The following SLCO1A2 variants were observed in gnomAD, a reference collection of about 807,000 sequenced individuals.
SLCO1A2 encodes the protein OATP-1.
SLCO1A2 carries 67 observed loss-of-function variants against 69.0 expected under a neutral mutation model. That is an observed-to-expected ratio of 0.97 (90% CI 0.80 to 1.19). The LOEUF (loss-of-function observed/expected upper bound fraction) is 1.19. Ranked by LOEUF, SLCO1A2 falls within the 50% of genes most tolerant of loss-of-function variation. The pLI is 0.00. For missense variants in SLCO1A2, 787 were observed against 793.7 expected (o/e 0.99, Z 0.10); for synonymous variants, 260 against 265.9 (o/e 0.98, Z 0.22).
At chr12:21,418,218 A>G (rs187757074), upstream of SLCO1A2, among the ~76,000 whole-genome samples, 3 of 152,336 alleles carry the variant, frequency 2.0e-5, no homozygotes, top group Admixed American at 2.0e-4. Context: ...CAATAGAAGC[A>G]GAAGAAAATT....
chr12:21,358,784 A>G (rs1486178825), intron 2 of SLCO1A2, among the ~76,000 whole-genome samples: 1 of 152,190 alleles, frequency 6.6e-6, no homozygotes, highest in African/African-American at 2.4e-5. Flanking sequence ...GCAAACCATT[A>G]AATACTGAAT....
In SLCO1A2 at chr12:21,300,489, C is replaced by G. The variant is rs140912989; in HGVS notation, c.769G>C (p.Val257Leu). 1 of 1,613,458 alleles carries G rather than the reference C, an allele frequency of 6.2e-7. No individual in the cohort carries two copies. Among genetic ancestry groups the G allele is most frequent in the Non-Finnish European group, 8.5e-7 (1 of 1,179,726 alleles). Residue 257 changes from valine (V) to leucine (L), a missense_variant, in exon 8 of 15, where the codon GTG becomes CTG. Coordinates refer to ENST00000683939, the MANE Select transcript of SLCO1A2 (RefSeq NM_001386879.1). The part of the protein sequence containing the change: ...FGFLICAGVN[V>L]LTAIPFFFLP... Reference sequence around the variant, plus strand: ...AAGAAAAAAGGAATGGCAGTGAGCACGTTAACTCCTGCACAAATCAGAAAG... The same window carrying G: ...AAGAAAAAAGGAATGGCAGTGAGCAGGTTAACTCCTGCACAAATCAGAAAG...
intron 1 of SLCO1A2, among the ~76,000 whole-genome samples, chr12:21,382,237 C>CAAAA (rs1467696661): frequency 6.6e-6 from 1 of 152,008 alleles, no homozygotes; most frequent in Non-Finnish European, 1.5e-5. Flanking sequence ...AGTGGAAAAC[C>CAAAA]AAAAACTGTA....
intron 2 of SLCO1A2, among the ~76,000 whole-genome samples, chr12:21,354,180 C>T (rs1938182608): frequency 6.6e-6 from 1 of 152,198 alleles, no homozygotes; most frequent in South Asian, 2.1e-4. Flanking sequence ...ACTAATGTCT[C>T]CACTACACTC....
chr12:21,411,782 C>T (rs907732489), intron 1 of SLCO1A2, among the ~76,000 whole-genome samples: 1 of 151,938 alleles, frequency 6.6e-6, no homozygotes, highest in African/African-American at 2.4e-5. Flanking sequence ...CTCCTGGGCT[C>T]AGGTGATCCT....
Position 21,268,033 on chromosome 12 carries a change from CT to C in SLCO1A2, c.*1514del, listed in dbSNP as rs1386418845. The C allele has an allele frequency of 6.6e-6, 1 of 152,074 alleles. No individual in the cohort carries two copies. Among genetic ancestry groups the C allele is most frequent in the African/African-American group, 2.4e-5 (1 of 41,420 alleles). 9.4% of individuals were successfully genotyped at this position (152,074 alleles called of 1,614,324 possible). A position where few individuals can be genotyped will look rare whatever the true frequency, so the allele number is the denominator to read the frequency against. ...CAAACTTCATGAAACTGAAACTTAA[CT>C]TTTCATCCTTCCCCCTAAACCTGTT... On this transcript the variant is annotated 3_prime_UTR_variant, in exon 15 of 15. Coordinates refer to ENST00000683939, the MANE Select transcript of SLCO1A2 (RefSeq NM_001386879.1).
At chr12:21,314,950 G>A (rs1950691773) in intron 3 of SLCO1A2, among the ~76,000 whole-genome samples, 3 of 152,180 alleles carry the variant, frequency 2.0e-5, no homozygotes, top group Admixed American at 6.5e-5. Flanking sequence ...GCCGGTGAAA[G>A]GGACTAAAGA....
chr12:21,384,071 G>A (rs1359558053), intron 1 of SLCO1A2, among the ~76,000 whole-genome samples: 1 of 152,096 alleles, frequency 6.6e-6, no homozygotes, highest in Non-Finnish European at 1.5e-5. Context: ...AATAAAATAT[G>A]CAAAGTATCT....
At chr12:21,310,045 T>A (rs1054105648) in intron 4 of SLCO1A2, among the ~76,000 whole-genome samples, 1 of 151,944 alleles carries the variant, frequency 6.6e-6, no homozygotes, top group Non-Finnish European at 1.5e-5. Context: ...CTAGGGAAAA[T>A]AAAAAGTTAT....
At chr12:21,304,275 C>G in intron 6 of SLCO1A2, 152 bp downstream of exon 6, 2 of 605,586 alleles carry the variant, frequency 3.3e-6, no homozygotes, top group South Asian at 4.7e-5. Context: ...CATATCTCAT[C>G]TCCATTCAAC....
At chr12:21,388,588 CTCTT>C (rs763070764) in intron 1 of SLCO1A2, among the ~76,000 whole-genome samples, 8 of 152,114 alleles carry the variant, frequency 5.3e-5, no homozygotes, top group Non-Finnish European at 8.8e-5. Flanking sequence ...CCTTAAATCT[CTCTT>C]TATTTATAAA....
chr12:21,281,882 T>C (rs1438225069), intron 12 of SLCO1A2, among the ~76,000 whole-genome samples: 1 of 152,008 alleles, frequency 6.6e-6, no homozygotes, highest in Admixed American at 6.6e-5. Flanking sequence ...GATTAAACTA[T>C]GAAGAAATCC....
At chr12:21,330,647 TAAAAAG>T (rs141576263) in intron 2 of SLCO1A2, among the ~76,000 whole-genome samples, 2,648 of 152,252 alleles carry the variant, frequency 0.017, 84 homozygotes, top group African/African-American at 0.06. Context: ...TAAATAATTT[TAAAAAG>T]AAAAAGATTA....
At chr12:21,281,187 C>T (rs1305882189) in intron 12 of SLCO1A2, among the ~76,000 whole-genome samples, 4 of 152,124 alleles carry the variant, frequency 2.6e-5, no homozygotes, top group African/African-American at 9.7e-5. Context: ...CGTGGTGGCT[C>T]ACACCTGTAA....
upstream of SLCO1A2, among the ~76,000 whole-genome samples, chr12:21,397,909 C>A (rs1941533567): frequency 2.0e-5 from 2 of 99,866 alleles, no homozygotes; most frequent in Non-Finnish European, 4.1e-5. Flanking sequence ...TAAATGCCCA[C>A]AAGAGAAAGC....
intron 1 of SLCO1A2, among the ~76,000 whole-genome samples, chr12:21,385,542 T>C (rs1336268986): frequency 1.3e-5 from 2 of 152,154 alleles, no homozygotes; most frequent in Admixed American, 1.3e-4. Context: ...AGAACATTGG[T>C]AGAGGACTGG....
chr12:21,412,246 TG>T (rs1941918834), intron 1 of SLCO1A2, among the ~76,000 whole-genome samples: 1 of 151,864 alleles, frequency 6.6e-6, no homozygotes, highest in Non-Finnish European at 1.5e-5. Flanking sequence ...CTGGGCATGG[TG>T]GCGGGCGCCT....
At chr12:21,318,643 G>C (rs1030796719) in intron 3 of SLCO1A2, 139 bp downstream of exon 3, 2 of 612,758 alleles carry the variant, frequency 3.3e-6, no homozygotes, top group South Asian at 5.1e-5. Flanking sequence ...TCTAAGCTTA[G>C]CTAATCAGTT....
chr12:21,301,337 G>C, intron 6 of SLCO1A2, 68 bp from the exon 7 acceptor site: 1 of 987,914 alleles, frequency 1.0e-6, no homozygotes, highest in Non-Finnish European at 1.4e-6. Context: ...CTAGGTCTAT[G>C]AAAAGCCTGA....
Sources: gnomAD v4.1 joint callset for allele counts (sites outside exome capture counted in the v4.1 genomes callset) on GRCh38, gnomAD v4.1.1 for gene constraint, MANE v1.5 for transcripts, NCBI Gene and HGNC (gene_info 2026-07-23, HGNC 2026-07-21) for gene names.